Variants in ABLIM2 observed in about 807,000 individuals in gnomAD.
The protein encoded by ABLIM2 is actin-binding LIM protein 2.
Under a neutral mutation model 97.7 loss-of-function variants are expected in ABLIM2, and 53 were observed. That is an observed-to-expected ratio of 0.54 (90% CI 0.44 to 0.68). ABLIM2 has a LOEUF of 0.68. Ranked by LOEUF, ABLIM2 falls within the 30% of genes least tolerant of loss-of-function variation. ABLIM2 has a pLI of 0.00. For missense variants in ABLIM2, 835 were observed against 867.2 expected (o/e 0.96, Z 0.47); for synonymous variants, 361 against 345.8 (o/e 1.04, Z -0.49).
intron 1 of ABLIM2, among the ~76,000 whole-genome samples, chr4:8,116,947 C>T (rs184609230): frequency 6.6e-6 from 1 of 152,328 alleles, no homozygotes; most frequent in African/African-American, 2.4e-5. Flanking sequence ...TATCTCTGCT[C>T]ATACAAAAAC....
At position 7,983,539 on chromosome 4, in the gene ABLIM2, C is replaced by T; in HGVS notation, c.1743+8G>A. ...CACGGAGGTCAGTGTGGGAGCGGCC[C>T]CGCTTACCTTGTATTCTGTAAGAGA... is the stretch of plus-strand genomic sequence containing the variant. On this transcript the variant is annotated splice_region_variant and intron_variant, in intron 19 of 20. Transcript: ENST00000447017. 7.4e-6 allele frequency: 12 copies of T among 1,613,152 alleles called. No individual in the cohort carries two copies. Among genetic ancestry groups the T allele is most frequent in the Non-Finnish European group, 9.3e-6 (11 of 1,179,692 alleles).
chr4:8,106,666 C>G lies in ABLIM2; in HGVS notation c.11-29G>C, dbSNP rs368968025. On this transcript the variant is annotated intron_variant, in intron 1 of 20. Transcript: ENST00000447017. Reference sequence around the variant, plus strand: ...TTGGGAAAGAGAGAAGAGCAGCGTTCAAGGGTGGATGTGTGAGGCACAAAG... The same window carrying G: ...TTGGGAAAGAGAGAAGAGCAGCGTTGAAGGGTGGATGTGTGAGGCACAAAG... 5.8e-5 allele frequency: 92 copies of G among 1,580,534 alleles called. No individual in the cohort carries two copies. In the African/African-American group the frequency reaches 1.0e-3, roughly 18 times the overall value.
At chr4:8,039,204 A>G (rs1786496415) in intron 9 of ABLIM2, among the ~76,000 whole-genome samples, 1 of 152,192 alleles carries the variant, frequency 6.6e-6, no homozygotes, top group East Asian at 1.9e-4. Flanking sequence ...TGCAAAAGTC[A>G]GGTGAACTCT....
At chr4:8,090,025 C>T (rs932559010) in intron 3 of ABLIM2, among the ~76,000 whole-genome samples, 3 of 152,196 alleles carry the variant, frequency 2.0e-5, no homozygotes, top group East Asian at 1.9e-4. Flanking sequence ...CCAGTACCCT[C>T]GGTCCATGCA....
intron 9 of ABLIM2, among the ~76,000 whole-genome samples, chr4:8,041,056 G>T (rs1788125051): frequency 6.6e-6 from 1 of 152,224 alleles, no homozygotes; most frequent in South Asian, 2.1e-4. Flanking sequence ...TTTGTTCGAG[G>T]CCTTCTGTTT....
At position 8,019,760 on chromosome 4, in the gene ABLIM2, C is replaced by A; in HGVS notation, c.1370-89G>T. 8.1e-7 allele frequency: 1 copy of A among 1,232,436 alleles called. No homozygotes were observed. The highest frequency in any genetic ancestry group is 1.2e-6 in the Non-Finnish European group (1 of 852,846). The allele number at this position is 1,232,436 out of a possible 1,614,324, so 76.3% of individuals were successfully genotyped here. On this transcript the variant is annotated intron_variant, in intron 13 of 20. Coordinates refer to ENST00000447017, the MANE Select transcript of ABLIM2 (RefSeq NM_001130083.2). The surrounding 1 kb of genome is among the most constrained non-coding windows in gnomAD (Gnocchi z 4.3). ...CTGTTCTACAGCTTTTTGTAAGCAA[C>A]AAGCACTCACCCAGATTTAGAATCA... is the stretch of plus-strand genomic sequence containing the variant.
Position 8,127,490 on chromosome 4 carries a change from T to C in ABLIM2, c.11-20853A>G, listed in dbSNP as rs1848541199. The C allele has an allele frequency of 2.1e-5, 27 of 1,289,222 alleles. No homozygotes were observed. The highest frequency in any genetic ancestry group is 2.6e-5 in the Non-Finnish European group (26 of 988,430). 79.9% of individuals were successfully genotyped at this position (1,289,222 alleles called of 1,614,324 possible). A position where few individuals can be genotyped will look rare whatever the true frequency, so the allele number is the denominator to read the frequency against. ...CTCCCAGTCCCCTGAAGCTGACTCA[T>C]GGAGCTCACGGCTCCCAGCCGGATG... On this transcript the variant is annotated intron_variant, in intron 1 of 20. Transcript: ENST00000447017. This position sits in a 1 kb window ranked among gnomAD's most constrained non-coding sequence, Gnocchi z 7.3.
At chr4:7,975,340 C>T (rs761931961) in intron 20 of ABLIM2, among the ~76,000 whole-genome samples, 17 of 152,244 alleles carry the variant, frequency 1.1e-4, no homozygotes, top group Admixed American at 5.2e-4. Flanking sequence ...CTGAACCCCG[C>T]TCTGCATGTT....
chr4:7,983,597 G>A (rs762797806), intron 18 of ABLIM2, 43 bp from the exon 19 acceptor site: 20 of 1,609,268 alleles, frequency 1.2e-5, no homozygotes, highest in Non-Finnish European at 1.7e-5. Flanking sequence ...GGTTTAGAAA[G>A]TGCAAGATGT....
At chr4:7,979,515 A>T (rs183147874) in intron 20 of ABLIM2, among the ~76,000 whole-genome samples, 97 of 152,338 alleles carry the variant, frequency 6.4e-4, no homozygotes, top group Non-Finnish European at 1.2e-3. Context: ...TGATTATAGG[A>T]CCTGAGTCAT....
intron 1 of ABLIM2, among the ~76,000 whole-genome samples, chr4:8,146,355 G>A (rs1205547419): frequency 2.0e-5 from 3 of 152,118 alleles, no homozygotes; most frequent in African/African-American, 4.8e-5. Context: ...GACATGTGAC[G>A]TCACAACTGA....
chr4:7,973,281 C>T (rs565152211), intron 20 of ABLIM2, among the ~76,000 whole-genome samples: 11 of 151,894 alleles, frequency 7.2e-5, no homozygotes, highest in East Asian at 3.9e-4. Context: ...GGGGCTGAGA[C>T]GGGTAGATCA....
At position 8,150,452 on chromosome 4, in the gene ABLIM2, A is replaced by G. The variant is rs143760567; in HGVS notation, c.10+8228T>C. ...CCATCGTGCCCTGAGGACAGACGCC[A>G]GCGAGGACAGAGGCAGCATGCTAGC... On this transcript the variant is annotated intron_variant, in intron 1 of 20. Coordinates refer to ENST00000447017, the MANE Select transcript of ABLIM2 (RefSeq NM_001130083.2). This position sits in a 1 kb window ranked among gnomAD's most constrained non-coding sequence, Gnocchi z 6.3. Among the ~76,000 whole-genome samples, 2 of 152,364 alleles carry G rather than the reference A, an allele frequency of 1.3e-5. No individual in the cohort carries two copies. Among genetic ancestry groups the G allele is most frequent in the East Asian group, 1.9e-4 (1 of 5,180 alleles).
intron 4 of ABLIM2, among the ~76,000 whole-genome samples, chr4:8,086,284 CAAAA>C (rs140575003): frequency 0.24 from 31,380 of 128,994 alleles, 4,372 homozygotes; most frequent in Middle Eastern, 0.35. Context: ...TTGAAAACCT[CAAAA>C]AAAAAAAAAA....
Position 8,130,462 on chromosome 4 carries a change from C to T in ABLIM2, c.11-23825G>A, listed in dbSNP as rs1235715175. On this transcript the variant is annotated intron_variant, in intron 1 of 20. Transcript: ENST00000447017. This position sits in a 1 kb window ranked among gnomAD's most constrained non-coding sequence, Gnocchi z 4.2. ...GGGGCTATGGCAGGGAGAGTGGACG[C>T]CGGCGCCGGGCACTGATCTGGGCCT... 6.6e-6 allele frequency among the ~76,000 whole-genome samples: 1 copy of T among 152,194 alleles called. No individual in the cohort carries two copies. Among genetic ancestry groups the T allele is most frequent in the Non-Finnish European group, 1.5e-5 (1 of 68,032 alleles).
intron 1 of ABLIM2, among the ~76,000 whole-genome samples, chr4:8,109,916 T>C (rs1398052921): frequency 6.6e-6 from 1 of 152,242 alleles, no homozygotes; most frequent in African/African-American, 2.4e-5. Flanking sequence ...CACAGCAGGC[T>C]TGTCCCACGC....
In ABLIM2 at chr4:7,970,893, C is replaced by T. The variant is rs1032106293; in HGVS notation, c.1825-3790G>A. On this transcript the variant is annotated intron_variant, in intron 20 of 20. Transcript: ENST00000447017. The surrounding 1 kb of genome is among the most constrained non-coding windows in gnomAD (Gnocchi z 5.3). ...CCACTCGTATGTGGCCTACAGGGCC[C>T]AGGACTTGGGGCCAGGGGTCTAGGG... Among the ~76,000 whole-genome samples, 5 of 151,930 alleles carry T rather than the reference C, an allele frequency of 3.3e-5. No individual in the cohort carries two copies. The highest frequency in any genetic ancestry group is 1.2e-4 in the African/African-American group (5 of 41,360).
At chr4:8,146,432 A>G (rs4696769) in intron 1 of ABLIM2, among the ~76,000 whole-genome samples, 72,440 of 152,154 alleles carry the variant, frequency 0.48, 18,945 homozygotes, top group Admixed American at 0.61. Context: ...GAGATTTGCA[A>G]AGCTGTAAAG....
chr4:8,054,249 G>T lies in ABLIM2; in HGVS notation c.764-3C>A. On this transcript the variant is annotated splice_region_variant and splice_polypyrimidine_tract_variant and intron_variant, in intron 7 of 20. Coordinates refer to ENST00000447017, the MANE Select transcript of ABLIM2 (RefSeq NM_001130083.2). The surrounding 1 kb of genome is among the most constrained non-coding windows in gnomAD (Gnocchi z 4.9). ...CGCCGGATGCCAGATGGAGGAACCTGTTGACAAATTCCCAAGAGGGAAATG... is the reference window on the plus strand; with the variant it reads ...CGCCGGATGCCAGATGGAGGAACCTTTTGACAAATTCCCAAGAGGGAAATG... The T allele has an allele frequency of 6.2e-7, 1 of 1,614,032 alleles. No homozygotes were observed. Among genetic ancestry groups the T allele is most frequent in the Non-Finnish European group, 8.5e-7 (1 of 1,179,876 alleles).
Sources: allele counts gnomAD v4.1 joint callset (sites outside exome capture counted in the v4.1 genomes callset), GRCh38; gene constraint gnomAD v4.1.1; non-coding constraint Gnocchi (gnomAD v3.1); transcripts MANE v1.5; gene names NCBI Gene and HGNC (gene_info 2026-07-23, HGNC 2026-07-21).